The following LIN52 variants were observed in gnomAD, a reference collection of about 807,000 sequenced individuals.
LIN52 encodes the protein lin-52 DREAM MuvB core complex component.
LIN52 carries 4 observed loss-of-function variants against 18.5 expected under a neutral mutation model. The ratio of observed to expected loss-of-function variants is 0.22; its 90% CI spans 0.11 to 0.49. The LOEUF is 0.49. Among genes scored for constraint, LIN52 ranks in the 20% least tolerant of loss-of-function variants. The pLI, the probability that LIN52 is intolerant of heterozygous loss-of-function variation, is 0.97. For synonymous variants in LIN52, 34 were observed against 45.5 expected (o/e 0.75, Z 1.02); for missense variants, 102 against 139.5 (o/e 0.73, Z 1.35).
intron 5 of LIN52, among the ~76,000 whole-genome samples, chr14:74,175,750 A>C (rs200954346): frequency 0.011 from 936 of 84,872 alleles, 13 homozygotes; most frequent in Non-Finnish European, 0.016. Context: ...ACACACACAC[A>C]CCCCCATTAT....
intron 5 of LIN52, among the ~76,000 whole-genome samples, chr14:74,151,389 AGT>A (rs1311135260): frequency 6.6e-6 from 1 of 152,214 alleles, no homozygotes; most frequent in Non-Finnish European, 1.5e-5. Flanking sequence ...GGATTTGGCC[AGT>A]GTCTTTTTTT....
chr14:74,095,272 C>T (rs1027193410), intron 2 of LIN52, among the ~76,000 whole-genome samples: 1 of 148,904 alleles, frequency 6.7e-6, no homozygotes, highest in African/African-American at 2.5e-5. Context: ...GTAGCTAGGA[C>T]TACAGGGGCA....
intron 5 of LIN52, among the ~76,000 whole-genome samples, chr14:74,166,583 A>C (rs4903199): frequency 0.78 from 119,255 of 152,150 alleles, 47,067 homozygotes; most frequent in Non-Finnish European, 0.83. Flanking sequence ...TGTGCCCAAA[A>C]AATCCAAAAT....
rs909943154 is a variant in LIN52 at position 74,104,226 on chromosome 14, A to C, written c.283+2988A>C. Among the ~76,000 whole-genome samples the C allele has an allele frequency of 3.3e-5, 5 of 152,186 alleles. No individual in the cohort carries two copies. The East Asian group carries it at 9.6e-4, about 29-fold the overall frequency. On this transcript the variant is annotated intron_variant, in intron 5 of 5. Transcript: ENST00000555028. ...ACTGTTATTTTTTAAAAATATAACA[A>C]TAGTTTCATTATTATAACTACAATT...
rs71460962 is a variant in LIN52, at chr14:74,165,513, C to CTTTTTTTTTTTTTTTTTTTTT, written c.284-33394_284-33393insTTTTTTTTTTTTTTTTTTTTT. Among the ~76,000 whole-genome samples the CTTTTTTTTTTTTTTTTTTTTT allele has an allele frequency of 1.7e-4, 19 of 110,224 alleles. 1 individual carries two copies. Among genetic ancestry groups the CTTTTTTTTTTTTTTTTTTTTT allele is most frequent in the East Asian group, 3.3e-4 (1 of 3,052 alleles). 72.3% of individuals were successfully genotyped at this position (110,224 alleles called of 152,430 possible). On this transcript the variant is annotated intron_variant, in intron 5 of 5. Transcript: ENST00000555028. Reference sequence around the variant, plus strand: ...AATGGAGAATTACAGGTTTTCTTTTCTTTTTTTTTTTTTTTGAGACAGAGT... The same window carrying CTTTTTTTTTTTTTTTTTTTTT: ...AATGGAGAATTACAGGTTTTCTTTTCTTTTTTTTTTTTTTTTTTTTTTTTTTTTTTTTTTTTGAGACAGAGT...
chr14:74,162,431 GCCACTGTACT>G (rs2061229514), intron 5 of LIN52, among the ~76,000 whole-genome samples: 1 of 126,756 alleles, frequency 7.9e-6, no homozygotes, highest in African/African-American at 3.1e-5. Flanking sequence ...AGAGGAAATC[GCCACTGTACT>G]CCAGCCTGAG....
intron 5 of LIN52, among the ~76,000 whole-genome samples, chr14:74,174,179 A>G (rs182497132): frequency 2.0e-5 from 3 of 152,330 alleles, no homozygotes; most frequent in East Asian, 3.9e-4. Context: ...GTACAAGTCA[A>G]TGGGTTTTTA....
chr14:74,101,341 A>G (rs2060854055), intron 5 of LIN52, 103 bp downstream of exon 5: 4 of 689,672 alleles, frequency 5.8e-6, no homozygotes, highest in Non-Finnish European at 9.3e-6. Context: ...TATAATTCAG[A>G]AAGTATATTA....
intron 5 of LIN52, among the ~76,000 whole-genome samples, chr14:74,176,661 A>G (rs2061295811): frequency 6.6e-6 from 1 of 152,178 alleles, no homozygotes. Flanking sequence ...AGGAGATAGG[A>G]ATTTTTAAGT....
At chr14:74,100,267 T>C (rs2060843930) in intron 4 of LIN52, among the ~76,000 whole-genome samples, 1 of 152,226 alleles carries the variant, frequency 6.6e-6, no homozygotes, top group Non-Finnish European at 1.5e-5. Context: ...TTATAAATAA[T>C]GTTTCCTGAG....
In LIN52 at chr14:74,084,979, C is replaced by T; in HGVS notation, c.5C>T (p.Ala2Val). The part of the protein sequence containing the change: M[A>V]SPTDGTDLEA... The stretch of plus-strand genomic sequence containing the variant: ...TCACGTGACATGGGTTGGAAGATGG[C>T]GTCTCCCACAGACGGTAAGAGCCGG... The change falls in exon 1 of 6, where the codon GCG becomes GTG. Residue 2 changes from alanine to valine, a missense_variant. By Grantham distance (64) the Ala-to-Val change is moderately conservative. Transcript: ENST00000555028. The T allele has an allele frequency of 1.4e-6, 2 of 1,434,616 alleles. No individual in the cohort carries two copies. The highest frequency in any genetic ancestry group is 1.8e-6 in the Non-Finnish European group (2 of 1,090,588). The allele number at this position is 1,434,616 out of a possible 1,614,324, so 88.9% of individuals were successfully genotyped here. A position where few individuals can be genotyped will look rare whatever the true frequency, so the allele number is the denominator to read the frequency against.
chr14:74,101,049 G>C lies in LIN52; in HGVS notation c.200-106G>C, dbSNP rs920735523. 1.5e-5 allele frequency: 12 copies of C among 810,694 alleles called. No individual in the cohort carries two copies. In the African/African-American group the frequency reaches 1.8e-4, roughly 12 times the overall value. The allele number at this position is 810,694 out of a possible 1,614,324, so 50.2% of individuals were successfully genotyped here. A position where few individuals can be genotyped will look rare whatever the true frequency, so the allele number is the denominator to read the frequency against. On this transcript the variant is annotated intron_variant, in intron 4 of 5. Transcript: ENST00000555028. ...CGGATCCATTTTCTACTTATTCAGT[G>C]GTAATTAAGCTTGAAAACTTGTATA...
chr14:74,153,585 C>A (rs1595177004), intron 5 of LIN52, among the ~76,000 whole-genome samples: 1 of 150,292 alleles, frequency 6.7e-6, no homozygotes, highest in East Asian at 1.9e-4. Flanking sequence ...CTCTCTGTTG[C>A]CCAGGCTGGA....
At chr14:74,166,516 A>T (rs2061250681) in intron 5 of LIN52, among the ~76,000 whole-genome samples, 1 of 152,170 alleles carries the variant, frequency 6.6e-6, no homozygotes. Context: ...CCCGGCCAAG[A>T]TCTTTAAATT....
intron 5 of LIN52, among the ~76,000 whole-genome samples, chr14:74,117,781 G>A (rs754441154): frequency 6.6e-6 from 1 of 152,144 alleles, no homozygotes; most frequent in Non-Finnish European, 1.5e-5. Context: ...GGAAGGTAGC[G>A]ATAATGCATG....
At chr14:74,159,588 G>A (rs184405312) in intron 5 of LIN52, among the ~76,000 whole-genome samples, 1,884 of 112,840 alleles carry the variant, frequency 0.017, 36 homozygotes, top group African/African-American at 0.06. Context: ...TTTTTTTTTT[G>A]GTGAGATGGA....
At chr14:74,119,313 C>G (rs958328796) in intron 5 of LIN52, among the ~76,000 whole-genome samples, 1 of 151,758 alleles carries the variant, frequency 6.6e-6, no homozygotes, top group South Asian at 2.1e-4. Context: ...AGGCGCCCCC[C>G]CACCACGCCC....
intron 4 of LIN52, among the ~76,000 whole-genome samples, chr14:74,098,551 T>C (rs1424749919): frequency 1.2e-5 from 1 of 84,738 alleles, no homozygotes; most frequent in Non-Finnish European, 2.4e-5. Flanking sequence ...TTAACTCTGG[T>C]TTTTTTTTTT....
chr14:74,121,421 A>T (rs146185819), intron 5 of LIN52, among the ~76,000 whole-genome samples: 27 of 152,360 alleles, frequency 1.8e-4, no homozygotes, highest in African/African-American at 5.8e-4. Flanking sequence ...TTTAATGACT[A>T]ATGTGAGACT....
Sources: gnomAD v4.1 joint callset for allele counts (sites outside exome capture counted in the v4.1 genomes callset) on GRCh38, gnomAD v4.1.1 for gene constraint, MANE v1.5 for transcripts, NCBI Gene and HGNC (gene_info 2026-07-23, HGNC 2026-07-21) for gene names.